ITGAL: variants seen among roughly 807,000 people sequenced by gnomAD.
ITGAL encodes integrin alpha-L.
Under a neutral mutation model 138.4 loss-of-function variants are expected in ITGAL, and 68 were observed. The ratio of observed to expected loss-of-function variants is 0.49; its 90% CI spans 0.40 to 0.60. ITGAL has a LOEUF of 0.60. ITGAL is among the 20% of genes least tolerant of loss of function. The pLI, the probability that ITGAL is intolerant of heterozygous loss-of-function variation, is 0.00. For missense variants in ITGAL, 1,256 were observed against 1,478.6 expected (o/e 0.85, Z 2.47); for synonymous variants, 561 against 584.3 (o/e 0.96, Z 0.57).
chr16:30,515,534 G>A (rs1371126332), intron 25 of ITGAL, among the ~76,000 whole-genome samples: 1 of 152,162 alleles, frequency 6.6e-6, no homozygotes, highest in African/African-American at 2.4e-5. Flanking sequence ...GCCCCATAGT[G>A]TGATCTTGGG....
chr16:30,507,678 G>A (rs1310690314), intron 21 of ITGAL, among the ~76,000 whole-genome samples: 1 of 150,838 alleles, frequency 6.6e-6, no homozygotes, highest in African/African-American at 2.4e-5. Flanking sequence ...ATAGAGAGAG[G>A]GTCTCACTAT....
At chr16:30,495,827 C>T (rs35543398) in intron 13 of ITGAL, among the ~76,000 whole-genome samples, 241 of 151,504 alleles carry the variant, frequency 1.6e-3, no homozygotes, top group Non-Finnish European at 2.4e-3. Context: ...CCAGCCTGTG[C>T]GACAGAGCAA....
rs1303450999 is a variant in ITGAL, at chr16:30,481,473, C to T, written c.611C>T (p.Thr204Ile). Residue 204 changes from threonine (T) to isoleucine (I), a missense_variant, in exon 7 of 31, where the codon ACA (threonine) becomes ATA (isoleucine). By Grantham distance (89) the Thr-to-Ile change is moderately conservative (BLOSUM62 -1). Around this residue, in one of 3 missense-constraint regions of ITGAL, gnomAD observed 177 missense variants for 288.8 expected, o/e 0.61. Transcript: ENST00000356798. ...AAVQFSTSYKTEFDFSDYVKR... is the reference protein window; with the variant it reads ...AAVQFSTSYKIEFDFSDYVKR... ...GTTCAGTTTTCCACAAGCTACAAAA[C>T]AGAATTTGATTTCTCAGATTATGTT... The T allele has an allele frequency of 6.2e-7, 1 of 1,609,710 alleles. No homozygotes were observed. Among genetic ancestry groups the T allele is most frequent in the East Asian group, 2.2e-5 (1 of 44,670 alleles).
At chr16:30,496,641 T>C (rs1360806787) in intron 15 of ITGAL, 75 bp downstream of exon 15, 4 of 1,362,688 alleles carry the variant, frequency 2.9e-6, no homozygotes, top group Non-Finnish European at 2.9e-6. Flanking sequence ...ATTTTATTTA[T>C]TTATTTTGGT....
In ITGAL at chr16:30,517,832, T is replaced by C. The variant is rs2051192670; in HGVS notation, c.3069T>C (p.Val1023=). The change falls in exon 28 of 31, where the codon GTT becomes GTC. Residue 1023 remains valine (V), a synonymous_variant. Transcript: ENST00000356798. ...CLPGALFRCP[V]VFRQEILVQV... ...CCGGAGCCCTGTTCCGCTGCCCTGT[T>C]GTCTTCAGGCAGGAGATCCTCGTCC... 1 of 1,614,190 alleles carries C rather than the reference T, an allele frequency of 6.2e-7. No individual in the cohort carries two copies. Among genetic ancestry groups the C allele is most frequent in the Non-Finnish European group, 8.5e-7 (1 of 1,180,032 alleles).
At chr16:30,510,319 G>A (rs2051071139) in intron 21 of ITGAL, 42 bp from the exon 22 acceptor site, 1 of 1,213,278 alleles carries the variant, frequency 8.2e-7, no homozygotes, top group Non-Finnish European at 1.2e-6. Flanking sequence ...GGGAAACTTG[G>A]CCTTGCTCAT....
chr16:30,491,043 G>A (rs185532454), intron 11 of ITGAL, among the ~76,000 whole-genome samples: 2 of 151,786 alleles, frequency 1.3e-5, no homozygotes, highest in East Asian at 1.9e-4. Flanking sequence ...GCTGAGATGG[G>A]AGGATCACTT....
intron 11 of ITGAL, among the ~76,000 whole-genome samples, chr16:30,491,951 TACG>T (rs142548526): frequency 0.01 from 1,576 of 152,282 alleles, 29 homozygotes; most frequent in African/African-American, 0.036. Context: ...CCAGACTCCA[TACG>T]ACAATAGGGA....
In ITGAL at chr16:30,506,584, AAAAAAAAAAAG is replaced by A; in HGVS notation, c.2367-129_2367-119del. 1.9e-5 allele frequency: 7 copies of A among 372,678 alleles called. No individual in the cohort carries two copies. The South Asian group carries it at 2.3e-4, about 12-fold the overall frequency. 23.1% of individuals were successfully genotyped at this position (372,678 alleles called of 1,614,324 possible). A position where few individuals can be genotyped will look rare whatever the true frequency, so the allele number is the denominator to read the frequency against. On this transcript the variant is annotated intron_variant, in intron 20 of 30. Transcript: ENST00000356798. ...AAAAAAAAAAAAAAAAAAAAAAAAA[AAAAAAAAAAAG>A]ACTGAGCATAAAAGATGATTGGTTT...
chr16:30,479,237 A>C (rs761075756), intron 5 of ITGAL, 29 bp downstream of exon 5: 1 of 1,613,330 alleles, frequency 6.2e-7, no homozygotes, highest in South Asian at 1.1e-5. Flanking sequence ...ATTGGGTAAA[A>C]ATACCTCCAA....
chr16:30,508,714 GC>G (rs1408188405), intron 21 of ITGAL, among the ~76,000 whole-genome samples: 3 of 152,008 alleles, frequency 2.0e-5, no homozygotes, highest in Admixed American at 1.3e-4. Flanking sequence ...TAAATAATTA[GC>G]CAGGTGTGGT....
At chr16:30,503,212 T>G (rs1208089754) in intron 17 of ITGAL, among the ~76,000 whole-genome samples, 22 of 152,252 alleles carry the variant, frequency 1.4e-4, no homozygotes. Context: ...TTTCAACAAT[T>G]ATCGACTCAC....
At chr16:30,516,891 G>A in intron 25 of ITGAL, 82 bp from the exon 26 acceptor site, 1 of 932,086 alleles carries the variant, frequency 1.1e-6, no homozygotes, top group Admixed American at 1.7e-5. Flanking sequence ...GACTGGAAGA[G>A]GCGTGCAAGG....
intron 6 of ITGAL, 91 bp from the exon 7 acceptor site, chr16:30,481,345 TAAA>T (rs57608894): frequency 0.096 from 41,826 of 436,042 alleles, 8 homozygotes; most frequent in South Asian, 0.13. Flanking sequence ...AAACTCCATC[TAAA>T]AAAAAAAAAA....
intron 6 of ITGAL, chr16:30,480,912 G>C (rs1486412139): frequency 1.3e-5 from 2 of 154,816 alleles, no homozygotes; most frequent in Non-Finnish European, 2.9e-5. Flanking sequence ...AGGGAGGATG[G>C]CTCGAGCCTG....
intron 20 of ITGAL, among the ~76,000 whole-genome samples, chr16:30,505,702 G>A (rs571018740): frequency 6.6e-6 from 1 of 152,074 alleles, no homozygotes; most frequent in East Asian, 1.9e-4. Flanking sequence ...GGGAAACATA[G>A]CAAGACCCTG....
chr16:30,493,318 C>A (rs1354881311), intron 11 of ITGAL, among the ~76,000 whole-genome samples: 2 of 144,750 alleles, frequency 1.4e-5, no homozygotes, highest in African/African-American at 5.3e-5. Context: ...CTCGCTCTGT[C>A]GCCCGGGCTG....
rs1193601444 is a variant in ITGAL at position 30,484,259 on chromosome 16, T to C, written c.1002T>C (p.Ile334=). 2 of 1,612,426 alleles carry C rather than the reference T, an allele frequency of 1.2e-6. No homozygotes were observed. Among genetic ancestry groups the C allele is most frequent in the Non-Finnish European group, 1.7e-6 (2 of 1,178,876 alleles). ...AGCTGCAGAAGAAGATCTATGTCAT[T>C]GAGGGTGAGTGGCAGGCCCTGGGAG... is the stretch of plus-strand genomic sequence containing the variant. ...FTELQKKIYV[I]EGTSKQDLTS... The change falls in exon 9 of 31, where the codon ATT becomes ATC. Residue 334 remains isoleucine (I), a synonymous_variant. Coordinates refer to ENST00000356798, the MANE Select transcript of ITGAL (RefSeq NM_002209.3).
chr16:30,511,015 C>T (rs759885633), intron 23 of ITGAL, 35 bp from the exon 24 acceptor site: 1 of 1,611,942 alleles, frequency 6.2e-7, no homozygotes, highest in East Asian at 2.2e-5. Flanking sequence ...CCAAGCCCTT[C>T]TCCTAACACT....
Sources: gnomAD v4.1 joint callset for allele counts (sites outside exome capture counted in the v4.1 genomes callset) on GRCh38, gnomAD v4.1.1 for gene constraint, gnomAD v4.1.1 regional missense constraint, MANE v1.5 for transcripts, NCBI Gene and HGNC (gene_info 2026-07-23, HGNC 2026-07-21) for gene names.